Variants in XPR1 observed in about 807,000 individuals in gnomAD.
XPR1 encodes the protein xenotropic and polytropic retrovirus receptor 1.
XPR1 carries 28 observed loss-of-function variants against 87.5 expected under a neutral mutation model. That is an observed-to-expected ratio of 0.32 (90% CI 0.24 to 0.44). The LOEUF (loss-of-function observed/expected upper bound fraction) is 0.44. Among genes scored for constraint, XPR1 ranks in the 20% least tolerant of loss-of-function variants. The pLI, the probability that XPR1 is intolerant of heterozygous loss-of-function variation, is 1.00. For synonymous variants in XPR1, 300 were observed against 306.1 expected, an observed-to-expected ratio of 0.98 and a Z score of 0.21; for missense variants, 559 against 862.3, an observed-to-expected ratio of 0.65 and a Z score of 4.41.
At chr1:180,643,328 T>C (rs554956880) in intron 1 of XPR1, among the ~76,000 whole-genome samples, 1 of 152,226 alleles carries the variant, frequency 6.6e-6, no homozygotes, top group African/African-American at 2.4e-5. Flanking sequence ...GTATGTCTTA[T>C]AATTAATGCT....
intron 1 of XPR1, among the ~76,000 whole-genome samples, chr1:180,644,505 T>G (rs1655051648): frequency 6.6e-6 from 1 of 152,070 alleles, no homozygotes; most frequent in Non-Finnish European, 1.5e-5. Flanking sequence ...ATGTGAAGTT[T>G]AGAGTTTAGT....
chr1:180,839,188 A>C (rs1019304120), intron 11 of XPR1, among the ~76,000 whole-genome samples: 1 of 152,214 alleles, frequency 6.6e-6, no homozygotes, highest in Admixed American at 6.5e-5. Context: ...AAAATTGTAT[A>C]GTGATCTGTC....
At chr1:180,683,743 T>C (rs540162317) in intron 2 of XPR1, among the ~76,000 whole-genome samples, 1 of 152,206 alleles carries the variant, frequency 6.6e-6, no homozygotes, top group Non-Finnish European at 1.5e-5. Flanking sequence ...TTCATGTGTT[T>C]TTTGGCTGCA....
At chr1:180,750,275 T>C (rs974290272) in intron 2 of XPR1, among the ~76,000 whole-genome samples, 1 of 152,178 alleles carries the variant, frequency 6.6e-6, no homozygotes, top group Non-Finnish European at 1.5e-5. Flanking sequence ...CAGCTTTATT[T>C]CTGTAGTGCA....
intron 2 of XPR1, among the ~76,000 whole-genome samples, chr1:180,756,550 A>G (rs190795062): frequency 2.6e-5 from 4 of 152,132 alleles, no homozygotes; most frequent in African/African-American, 9.7e-5. Flanking sequence ...TGTATTGGCA[A>G]ATATTTTCTC....
chr1:180,820,707 C>T (rs761861175), intron 7 of XPR1, among the ~76,000 whole-genome samples: 3 of 152,226 alleles, frequency 2.0e-5, no homozygotes, highest in Non-Finnish European at 2.9e-5. Context: ...GTTTTCTGCA[C>T]ATCCTTGCCA....
At chr1:180,781,563 T>C (rs1303611113) in intron 2 of XPR1, among the ~76,000 whole-genome samples, 3 of 151,708 alleles carry the variant, frequency 2.0e-5, no homozygotes, top group Admixed American at 1.3e-4. Context: ...GTGGCTGCTA[T>C]GCAATAGGAG....
chr1:180,658,144 G>A (rs756405545), intron 1 of XPR1, among the ~76,000 whole-genome samples: 1 of 152,096 alleles, frequency 6.6e-6, no homozygotes, highest in Non-Finnish European at 1.5e-5. Context: ...TTTGTATCCT[G>A]CAACTTTACT....
chr1:180,800,275 C>T (rs1271883070), intron 3 of XPR1, among the ~76,000 whole-genome samples: 5 of 152,156 alleles, frequency 3.3e-5, no homozygotes, highest in Non-Finnish European at 7.4e-5. Flanking sequence ...GATTGCTAAA[C>T]CACAGTGGTG....
intron 2 of XPR1, among the ~76,000 whole-genome samples, chr1:180,738,806 G>A (rs542025038): frequency 6.6e-6 from 1 of 152,128 alleles, no homozygotes; most frequent in South Asian, 2.1e-4. Flanking sequence ...TTTGTGACTT[G>A]CAAACATTTT....
rs543372144 is a variant in XPR1 at position 180,702,074 on chromosome 1, A to T, written c.121+19663A>T. 1.2e-4 allele frequency among the ~76,000 whole-genome samples: 9 copies of T among 77,062 alleles called. No individual in the cohort carries two copies. In the East Asian group the frequency reaches 2.4e-3, roughly 20 times the overall value. The allele number at this position is 77,062 out of a possible 152,430, so 50.6% of individuals were successfully genotyped here. A position where few individuals can be genotyped will look rare whatever the true frequency, so the allele number is the denominator to read the frequency against. Reference sequence around the variant, plus strand: ...TTCCTGCTTTCTCTTGTAGGCATTTAGTGCTATAAATTTCCCTCTACACGC... The same window carrying T: ...TTCCTGCTTTCTCTTGTAGGCATTTTGTGCTATAAATTTCCCTCTACACGC... On this transcript the variant is annotated intron_variant, in intron 2 of 14. Transcript: ENST00000367590.
intron 2 of XPR1, among the ~76,000 whole-genome samples, chr1:180,696,200 G>GTATATATA (rs1371214062): frequency 9.1e-5 from 10 of 110,074 alleles, no homozygotes; most frequent in South Asian, 2.9e-4. Context: ...GTGTGTGTGT[G>GTATATATA]TGTGTGTGTA....
intron 1 of XPR1, among the ~76,000 whole-genome samples, chr1:180,654,053 A>G (rs1318624070): frequency 6.6e-6 from 1 of 152,198 alleles, no homozygotes; most frequent in Non-Finnish European, 1.5e-5. Flanking sequence ...TTCCAGTGGT[A>G]AAATGGGAAT....
At position 180,740,912 on chromosome 1, in the gene XPR1, A is replaced by G. The variant is rs574477085; in HGVS notation, c.122-46841A>G. ...TGTGTCCTCACATGGTAAAAGGGGC[A>G]TGGAAGCTTCCTGTCTCTTTTATAA... On this transcript the variant is annotated intron_variant, in intron 2 of 14. Transcript: ENST00000367590. Among the ~76,000 whole-genome samples the G allele has an allele frequency of 2.3e-4, 35 of 152,324 alleles. 2 individuals carry two copies. In the South Asian group the frequency reaches 7.1e-3, roughly 31 times the overall value.
intron 2 of XPR1, among the ~76,000 whole-genome samples, chr1:180,699,209 C>CTTTTTTTTTT (rs1168669274): frequency 1.5e-5 from 2 of 132,584 alleles, no homozygotes; most frequent in South Asian, 2.4e-4. Flanking sequence ...TTTATTCTTT[C>CTTTTTTTTTT]TTTTTTTTTT....
At chr1:180,748,229 C>A (rs1484524893) in intron 2 of XPR1, among the ~76,000 whole-genome samples, 1 of 151,820 alleles carries the variant, frequency 6.6e-6, no homozygotes, top group African/African-American at 2.4e-5. Flanking sequence ...TATACCAGCT[C>A]ACAAGAGCCA....
chr1:180,707,155 C>G (rs1657587361), intron 2 of XPR1, among the ~76,000 whole-genome samples: 1 of 152,148 alleles, frequency 6.6e-6, no homozygotes, highest in Non-Finnish European at 1.5e-5. Context: ...AGAATAGTTA[C>G]ATGGTGAGAA....
chr1:180,818,462 G>A (rs1005561709), intron 7 of XPR1, among the ~76,000 whole-genome samples: 1 of 152,002 alleles, frequency 6.6e-6, no homozygotes, highest in African/African-American at 2.4e-5. Context: ...CCTATTTTGA[G>A]TAAGCCTTAG....
At chr1:180,719,993 AT>A (rs1378535247) in intron 2 of XPR1, among the ~76,000 whole-genome samples, 1 of 152,180 alleles carries the variant, frequency 6.6e-6, no homozygotes, top group African/African-American at 2.4e-5. Context: ...TTTAATGAAT[AT>A]TGATGTGTTT....
Sources: gnomAD v4.1 joint callset for allele counts (sites outside exome capture counted in the v4.1 genomes callset) on GRCh38, gnomAD v4.1.1 for gene constraint, MANE v1.5 for transcripts, NCBI Gene and HGNC (gene_info 2026-07-23, HGNC 2026-07-21) for gene names.